PCDH15: variants seen among roughly 807,000 people sequenced by gnomAD.
The protein encoded by PCDH15 is protocadherin related 15.
PCDH15 carries 129 observed loss-of-function variants against 178.5 expected under a neutral mutation model. The ratio of observed to expected loss-of-function variants is 0.72; its 90% confidence interval spans 0.63 to 0.84. The LOEUF is 0.84. Ranked by LOEUF, PCDH15 falls within the 40% of genes least tolerant of loss-of-function variation. The pLI, the probability that PCDH15 is intolerant of heterozygous loss-of-function variation, is 0.00. For missense variants in PCDH15, 2,230 were observed against 2,099.9 expected (o/e 1.06, Z -1.21); for synonymous variants, 800 against 732.0 (o/e 1.09, Z -1.50).
chr10:53,836,662 T>C (rs556241796), intron 29 of PCDH15, among the ~76,000 whole-genome samples: 26 of 152,214 alleles, frequency 1.7e-4, no homozygotes, highest in South Asian at 4.1e-4. Flanking sequence ...GTCTGTAATG[T>C]CCATTTACAG....
In PCDH15 at chr10:53,831,647, A is replaced by G. The variant is rs2077023274; in HGVS notation, c.3984-114T>C. 4 of 740,672 alleles carry G rather than the reference A, an allele frequency of 5.4e-6. No homozygotes were observed. The Admixed American group carries it at 7.8e-5, about 15-fold the overall frequency. 45.9% of individuals were successfully genotyped at this position (740,672 alleles called of 1,614,324 possible). ...TTTTCTCTAATTGAAACACAAGCTGAGTCAGAAGTCTCATGAATAATAAGA... is the reference window on the plus strand; with the variant it reads ...TTTTCTCTAATTGAAACACAAGCTGGGTCAGAAGTCTCATGAATAATAAGA... On this transcript the variant is annotated intron_variant, in intron 29 of 37. Transcript: ENST00000644397.
At chr10:54,480,589 A>G (rs889760256) in intron 3 of PCDH15, among the ~76,000 whole-genome samples, 1 of 152,068 alleles carries the variant, frequency 6.6e-6, no homozygotes, top group Non-Finnish European at 1.5e-5. Context: ...CACATTTGAC[A>G]ACTATCAACC....
intron 3 of PCDH15, among the ~76,000 whole-genome samples, chr10:54,434,989 C>T (rs142303361): frequency 1.3e-5 from 2 of 152,036 alleles, no homozygotes; most frequent in Admixed American, 1.3e-4. Context: ...AGCATTGAAA[C>T]TAGGAAAGGG....
intron 2 of PCDH15, among the ~76,000 whole-genome samples, chr10:55,043,552 TA>T (rs925081034): frequency 1.5e-4 from 23 of 149,886 alleles, no homozygotes; most frequent in African/African-American, 4.6e-4. Flanking sequence ...CTATAAAAAA[TA>T]AAAAAAAATA....
intron 25 of PCDH15, among the ~76,000 whole-genome samples, chr10:53,910,162 C>G (rs7897155): frequency 0.11 from 16,976 of 152,126 alleles, 2,276 homozygotes; most frequent in African/African-American, 0.31. Context: ...ATGGTTCTCC[C>G]AGCACGGTAT....
chr10:55,390,385 A>T (rs999005313), intron 2 of PCDH15, among the ~76,000 whole-genome samples: 1 of 152,154 alleles, frequency 6.6e-6, no homozygotes, highest in African/African-American at 2.4e-5. Context: ...TCATTAGGTA[A>T]ATCAATAATG....
At chr10:54,108,196 G>T (rs1414994938) in intron 15 of PCDH15, among the ~76,000 whole-genome samples, 1 of 152,086 alleles carries the variant, frequency 6.6e-6, no homozygotes, top group Non-Finnish European at 1.5e-5. Flanking sequence ...ACAGTACCTG[G>T]CTGTAAATAC....
intron 3 of PCDH15, among the ~76,000 whole-genome samples, chr10:54,882,257 T>C (rs1425111229): frequency 6.6e-6 from 1 of 152,092 alleles, no homozygotes; most frequent in Non-Finnish European, 1.5e-5. Context: ...GTTTTCATCT[T>C]TGAGCTAAAA....
chr10:54,388,110 T>A (rs1162341717), intron 3 of PCDH15, among the ~76,000 whole-genome samples: 3 of 152,184 alleles, frequency 2.0e-5, no homozygotes, highest in African/African-American at 7.2e-5. Flanking sequence ...CACTCAGATA[T>A]GTTTACATCT....
At chr10:54,208,091 A>G (rs111796955) in intron 10 of PCDH15, among the ~76,000 whole-genome samples, 344 of 152,166 alleles carry the variant, frequency 2.3e-3, no homozygotes, top group African/African-American at 8.0e-3. Context: ...AAAAAAAAGG[A>G]GAACACAAAA....
intron 3 of PCDH15, among the ~76,000 whole-genome samples, chr10:54,422,949 A>C (rs1233835113): frequency 6.6e-6 from 1 of 152,140 alleles, no homozygotes; most frequent in African/African-American, 2.4e-5. Flanking sequence ...AACCACAAAA[A>C]TATGGAACAT....
At chr10:55,157,468 G>C (rs995369993) in intron 2 of PCDH15, among the ~76,000 whole-genome samples, 3 of 148,258 alleles carry the variant, frequency 2.0e-5, no homozygotes, top group African/African-American at 7.6e-5. Flanking sequence ...TATACCCAAA[G>C]GATTATAAAT....
chr10:55,464,773 T>G (rs980499934), intron 2 of PCDH15, among the ~76,000 whole-genome samples: 1 of 149,552 alleles, frequency 6.7e-6, no homozygotes, highest in Non-Finnish European at 1.5e-5. Context: ...TGATAAAAAT[T>G]TCCTTTAGCT....
At chr10:54,114,680 G>A (rs1007366281) in intron 15 of PCDH15, among the ~76,000 whole-genome samples, 1 of 152,070 alleles carries the variant, frequency 6.6e-6, no homozygotes, top group Non-Finnish European at 1.5e-5. Context: ...TTATAAGGTG[G>A]GTAGGTAAGA....
At chr10:55,536,252 G>A (rs985667170) in intron 2 of PCDH15, among the ~76,000 whole-genome samples, 3 of 151,928 alleles carry the variant, frequency 2.0e-5, no homozygotes, top group African/African-American at 4.8e-5. Flanking sequence ...GTTTATTCCT[G>A]TAACATATAA....
chr10:54,680,556 T>A (rs899821035), intron 1 of PCDH15, among the ~76,000 whole-genome samples: 4 of 152,144 alleles, frequency 2.6e-5, no homozygotes, highest in Non-Finnish European at 5.9e-5. Flanking sequence ...TTTGGTTGTG[T>A]CCCCACCCAA....
chr10:54,635,482 A>C (rs1332635343), intron 2 of PCDH15, among the ~76,000 whole-genome samples: 1 of 151,824 alleles, frequency 6.6e-6, no homozygotes, highest in Admixed American at 6.6e-5. Context: ...GTATTCTACC[A>C]GAGTTCTATT....
chr10:55,026,779 C>CA (rs1840486211), intron 2 of PCDH15, among the ~76,000 whole-genome samples: 1 of 151,848 alleles, frequency 6.6e-6, no homozygotes, highest in African/African-American at 2.4e-5. Flanking sequence ...ATGGCATAGT[C>CA]AGTTTTCATT....
intron 2 of PCDH15, among the ~76,000 whole-genome samples, chr10:55,521,194 T>C (rs1279712114): frequency 6.6e-6 from 1 of 152,034 alleles, no homozygotes; most frequent in East Asian, 1.9e-4. Flanking sequence ...TTTACCTGGC[T>C]TCGTTCACTT....
Sources: allele counts gnomAD v4.1 joint callset (sites outside exome capture counted in the v4.1 genomes callset), GRCh38; gene constraint gnomAD v4.1.1; transcripts MANE v1.5; gene names NCBI Gene and HGNC (gene_info 2026-07-23, HGNC 2026-07-21).